Variants in TSPAN15 observed in about 807,000 individuals in gnomAD.
The protein encoded by TSPAN15 is tetraspanin 15.
A neutral mutation model predicts 34.5 loss-of-function variants in TSPAN15; 20 were observed. The observed-to-expected ratio is 0.58, with a 90% CI of 0.41 to 0.84. TSPAN15 has a LOEUF of 0.84. Ranked by LOEUF, TSPAN15 falls within the 40% of genes least tolerant of loss-of-function variation. The probability of loss-of-function intolerance (pLI) is 0.00; values close to 1 mark genes in which losing one functional copy is unlikely to be tolerated. For synonymous variants in TSPAN15, 155 were observed against 153.9 expected (o/e 1.01, Z -0.05); for missense variants, 313 against 386.1 (o/e 0.81, Z 1.59).
intron 1 of TSPAN15, among the ~76,000 whole-genome samples, chr10:69,464,540 T>G (rs1209339597): frequency 6.6e-6 from 1 of 152,220 alleles, no homozygotes; most frequent in Non-Finnish European, 1.5e-5. Flanking sequence ...GGAAGGTGGA[T>G]GCGAGCTAGC....
chr10:69,495,022 C>A, intron 3 of TSPAN15: 1 of 324,912 alleles, frequency 3.1e-6, no homozygotes, highest in Non-Finnish European at 4.4e-6. Context: ...ATGAGGAGAA[C>A]AGCCCATGAG....
chr10:69,521,822 A>G, the TSPAN15 span, among the ~76,000 whole-genome samples: 1 of 147,352 alleles, frequency 6.8e-6, no homozygotes, highest in South Asian at 2.1e-4. Flanking sequence ...TTCAGCTTGC[A>G]GATGGCAGAC....
intron 1 of TSPAN15, among the ~76,000 whole-genome samples, chr10:69,473,120 G>C (rs1348242983): frequency 1.3e-5 from 2 of 152,210 alleles, no homozygotes; most frequent in Non-Finnish European, 2.9e-5. Context: ...TATCCCTATA[G>C]CTGGGGTGAT....
intron 1 of TSPAN15, among the ~76,000 whole-genome samples, chr10:69,455,893 G>A (rs1841097307): frequency 6.6e-6 from 1 of 151,936 alleles, no homozygotes. Context: ...ACAGCAGAAG[G>A]CAGATACCCC....
chr10:69,519,242 T>C, the TSPAN15 span, among the ~76,000 whole-genome samples: 163 of 152,226 alleles, frequency 1.1e-3, 1 homozygote, highest in African/African-American at 3.5e-3. Context: ...TGGGAGACCC[T>C]GTCTCTACAA....
At chr10:69,455,842 C>G (rs1841095822) in intron 1 of TSPAN15, among the ~76,000 whole-genome samples, 1 of 151,942 alleles carries the variant, frequency 6.6e-6, no homozygotes, top group Non-Finnish European at 1.5e-5. Flanking sequence ...ACAAAGTGAA[C>G]ACACCTGTAC....
chr10:69,534,305 TGG>T, the TSPAN15 span, among the ~76,000 whole-genome samples: 10 of 152,198 alleles, frequency 6.6e-5, no homozygotes, highest in Admixed American at 6.5e-4. Flanking sequence ...CCCCTTCCTG[TGG>T]AATCTACTAG....
chr10:69,520,639 G>C, the TSPAN15 span, among the ~76,000 whole-genome samples: 1 of 152,212 alleles, frequency 6.6e-6, no homozygotes. Flanking sequence ...CTGGGCGACA[G>C]AGCAAGACCT....
chr10:69,505,725 T>C (rs908714271), intron 6 of TSPAN15, among the ~76,000 whole-genome samples: 1 of 152,190 alleles, frequency 6.6e-6, no homozygotes, highest in Non-Finnish European at 1.5e-5. Flanking sequence ...GTTTTTTATA[T>C]GTACCTGGAG....
intron 4 of TSPAN15, among the ~76,000 whole-genome samples, chr10:69,497,163 C>CA (rs1842103267): frequency 6.6e-6 from 1 of 152,210 alleles, no homozygotes; most frequent in Non-Finnish European, 1.5e-5. Context: ...CATTGCAAGA[C>CA]AAATGCCCTT....
chr10:69,530,787 TC>T, the TSPAN15 span, among the ~76,000 whole-genome samples: 37 of 51,816 alleles, frequency 7.1e-4, 2 homozygotes, highest in African/African-American at 1.2e-3. Context: ...AGACTCTCTC[TC>T]TCTCTCTCTC....
At chr10:69,534,980 G>A in the TSPAN15 span, among the ~76,000 whole-genome samples, 1 of 152,050 alleles carries the variant, frequency 6.6e-6, no homozygotes, top group Non-Finnish European at 1.5e-5. Flanking sequence ...GTGAGATTCT[G>A]TCTCAAAAAA....
the TSPAN15 span, among the ~76,000 whole-genome samples, chr10:69,530,544 G>A: frequency 5.4e-5 from 8 of 146,798 alleles, 1 homozygote; most frequent in South Asian, 4.3e-4. Context: ...GGTGGCTCAC[G>A]CCTGTAATCC....
intron 1 of TSPAN15, among the ~76,000 whole-genome samples, chr10:69,466,834 C>T (rs1382945877): frequency 6.6e-6 from 1 of 152,198 alleles, no homozygotes; most frequent in African/African-American, 2.4e-5. Flanking sequence ...AAAGGAGTTT[C>T]ACCACCTCAG....
chr10:69,499,179 G>T lies in TSPAN15; in HGVS notation c.570+783G>T, dbSNP rs142783649. ...CCAGAAACTGTTTCAGGATTGGAACGAGGTGGAGAGCTTTGCAATTACTCA... is the reference window on the plus strand; with the variant it reads ...CCAGAAACTGTTTCAGGATTGGAACTAGGTGGAGAGCTTTGCAATTACTCA... On this transcript the variant is annotated intron_variant, in intron 5 of 7. Transcript: ENST00000373290. 7.7e-3 allele frequency among the ~76,000 whole-genome samples: 1,167 copies of T among 152,336 alleles called. 15 individuals carry two copies. Among genetic ancestry groups the T allele is most frequent in the African/African-American group, 0.026 (1,092 of 41,558 alleles).
downstream of TSPAN15, among the ~76,000 whole-genome samples, chr10:69,512,139 C>G (rs72813860): frequency 3.3e-5 from 5 of 152,262 alleles, no homozygotes; most frequent in Non-Finnish European, 7.3e-5. Context: ...TTTGTCCATC[C>G]TGTGGTTGAG....
chr10:69,470,807 T>C (rs1841488876), intron 1 of TSPAN15, among the ~76,000 whole-genome samples: 1 of 152,126 alleles, frequency 6.6e-6, no homozygotes, highest in Admixed American at 6.5e-5. Context: ...AGAGCAAAAG[T>C]CAAGTCTTCT....
intron 1 of TSPAN15, among the ~76,000 whole-genome samples, chr10:69,459,832 A>G (rs1841204601): frequency 6.6e-6 from 1 of 151,506 alleles, no homozygotes; most frequent in Non-Finnish European, 1.5e-5. Flanking sequence ...CCCAGAGGGC[A>G]GTGGGGAGGA....
the TSPAN15 span, among the ~76,000 whole-genome samples, chr10:69,518,714 A>G: frequency 6.6e-6 from 1 of 152,154 alleles, no homozygotes. Flanking sequence ...GAGCCACCGC[A>G]CCCGGCCATA....
Sources: gnomAD v4.1 joint callset for allele counts (sites outside exome capture counted in the v4.1 genomes callset) on GRCh38, gnomAD v4.1.1 for gene constraint, MANE v1.5 for transcripts, NCBI Gene and HGNC (gene_info 2026-07-23, HGNC 2026-07-21) for gene names.